Variants in PDE1C observed in about 807,000 individuals in gnomAD.
The protein encoded by PDE1C is dual specificity calcium/calmodulin-dependent 3',5'-cyclic nucleotide phosphodiesterase 1C.
Under a neutral mutation model 93.1 loss-of-function variants are expected in PDE1C, and 62 were observed. The observed-to-expected ratio is 0.67, with a 90% CI of 0.54 to 0.82. The LOEUF (loss-of-function observed/expected upper bound fraction) is 0.82, where lower values mean the gene tolerates loss of function less well. Among genes scored for constraint, PDE1C ranks in the 40% least tolerant of loss-of-function variants. The pLI, the probability that PDE1C is intolerant of heterozygous loss-of-function variation, is 0.00. For synonymous variants in PDE1C, 325 were observed against 310.1 expected (o/e 1.05, Z -0.50); for missense variants, 742 against 884.6 (o/e 0.84, Z 2.04).
At chr7:31,786,780 G>T (rs1043979601) in intron 16 of PDE1C, 6 of 152,128 alleles carry the variant, frequency 3.9e-5, no homozygotes, top group Non-Finnish European at 7.4e-5. Flanking sequence ...ATGAGAAAAA[G>T]ATTTCATGCT....
chr7:31,919,457 G>A (rs1249398180), intron 2 of PDE1C, among the ~76,000 whole-genome samples: 1 of 152,132 alleles, frequency 6.6e-6, no homozygotes, highest in Non-Finnish European at 1.5e-5. Context: ...AATACCCTCT[G>A]ACACATAGTA....
intron 3 of PDE1C, among the ~76,000 whole-genome samples, chr7:32,153,257 C>T (rs951468368): frequency 3.9e-5 from 6 of 152,102 alleles, no homozygotes; most frequent in African/African-American, 1.4e-4. Flanking sequence ...TCTAAAATGG[C>T]ATGGACATAT....
chr7:32,139,450 A>G (rs1221708828), intron 3 of PDE1C, among the ~76,000 whole-genome samples: 2 of 152,076 alleles, frequency 1.3e-5, no homozygotes, highest in Admixed American at 1.3e-4. Flanking sequence ...AAAGGGAGGA[A>G]GAAGTATCCA....
chr7:31,809,838 T>A (rs927286048), intron 15 of PDE1C, among the ~76,000 whole-genome samples: 9 of 152,222 alleles, frequency 5.9e-5, no homozygotes, highest in African/African-American at 2.2e-4. Flanking sequence ...TAAATTAGCA[T>A]ATAACTTCAC....
At chr7:31,679,382 TG>T in the PDE1C span, among the ~76,000 whole-genome samples, 1 of 152,234 alleles carries the variant, frequency 6.6e-6, no homozygotes, top group African/African-American at 2.4e-5. Flanking sequence ...GAATACATGC[TG>T]GGTTTAAAAT....
At chr7:32,328,733 G>T (rs767332427) in intron 1 of PDE1C, among the ~76,000 whole-genome samples, 1 of 152,014 alleles carries the variant, frequency 6.6e-6, no homozygotes, top group Non-Finnish European at 1.5e-5. Context: ...CTCCTAACTG[G>T]CCTCCATTAT....
chr7:32,186,087 GTTTTTTTT>G (rs10561469), intron 2 of PDE1C, among the ~76,000 whole-genome samples: 1,416 of 128,612 alleles, frequency 0.011, 18 homozygotes, highest in Non-Finnish European at 0.017. Context: ...TTGTTTTTTT[GTTTTTTTT>G]TTTTTTTTTT....
intron 2 of PDE1C, among the ~76,000 whole-genome samples, chr7:32,012,128 G>C (rs1278860368): frequency 6.6e-6 from 1 of 152,188 alleles, no homozygotes; most frequent in Non-Finnish European, 1.5e-5. Flanking sequence ...AGAAATACCT[G>C]AGGCTAGGTA....
chr7:31,758,208 A>G (rs1794597402), intron 17 of PDE1C, among the ~76,000 whole-genome samples: 1 of 152,164 alleles, frequency 6.6e-6, no homozygotes, highest in Non-Finnish European at 1.5e-5. Flanking sequence ...TGACGAGTTA[A>G]TGGGTGCAGC....
At chr7:32,387,698 T>C (rs1585137460) in intron 1 of PDE1C, among the ~76,000 whole-genome samples, 1 of 117,856 alleles carries the variant, frequency 8.5e-6, no homozygotes, top group African/African-American at 3.4e-5. Flanking sequence ...CCCACCTCCC[T>C]CCCGGACGGG....
chr7:32,014,708 G>A (rs1787655045), intron 2 of PDE1C, among the ~76,000 whole-genome samples: 1 of 152,128 alleles, frequency 6.6e-6, no homozygotes, highest in Non-Finnish European at 1.5e-5. Flanking sequence ...AGAACATGCA[G>A]TGTTTGGTTT....
At chr7:31,886,454 G>T (rs1300295613) in intron 2 of PDE1C, among the ~76,000 whole-genome samples, 1 of 152,088 alleles carries the variant, frequency 6.6e-6, no homozygotes, top group Non-Finnish European at 1.5e-5. Context: ...TTCAACATTG[G>T]GTGTCTTTTG....
intron 1 of PDE1C, among the ~76,000 whole-genome samples, chr7:32,359,203 C>T (rs1417058295): frequency 2.6e-5 from 4 of 152,010 alleles, no homozygotes; most frequent in Admixed American, 6.6e-5. Context: ...TTTCATCCTC[C>T]GACCACCTCC....
intron 2 of PDE1C, among the ~76,000 whole-genome samples, chr7:31,918,499 T>C (rs760466655): frequency 7.2e-5 from 11 of 152,182 alleles, no homozygotes; most frequent in Non-Finnish European, 1.6e-4. Context: ...GGAGGTGATC[T>C]GGAAATCTGC....
intron 3 of PDE1C, among the ~76,000 whole-genome samples, chr7:32,104,550 T>C (rs1409836064): frequency 1.3e-5 from 2 of 152,138 alleles, no homozygotes; most frequent in Non-Finnish European, 2.9e-5. Context: ...TTTCTCCTGA[T>C]TTGGATTTTC....
chr7:32,196,504 C>T (rs1312835329), intron 2 of PDE1C, among the ~76,000 whole-genome samples: 1 of 142,450 alleles, frequency 7.0e-6, no homozygotes, highest in Non-Finnish European at 1.5e-5. Context: ...GGTCCCAAGT[C>T]GTCTAGTCAC....
the PDE1C span, among the ~76,000 whole-genome samples, chr7:31,647,003 T>C: frequency 1.3e-5 from 2 of 152,122 alleles, no homozygotes; most frequent in Admixed American, 1.3e-4. Context: ...TAGAAAAAAA[T>C]ACACTCAAAG....
chr7:32,358,491 G>A (rs1489668701), intron 1 of PDE1C, among the ~76,000 whole-genome samples: 1 of 152,184 alleles, frequency 6.6e-6, no homozygotes, highest in Non-Finnish European at 1.5e-5. Context: ...TCGAATCAGA[G>A]CTCTATAAAG....
chr7:32,282,737 T>G (rs1811751335), intron 1 of PDE1C, among the ~76,000 whole-genome samples: 1 of 151,764 alleles, frequency 6.6e-6, no homozygotes, highest in African/African-American at 2.4e-5. Flanking sequence ...CCCGCCACCA[T>G]GCCCAGCTAA....
Sources: allele counts gnomAD v4.1 joint callset (sites outside exome capture counted in the v4.1 genomes callset), GRCh38; gene constraint gnomAD v4.1.1; transcripts MANE v1.5; gene names NCBI Gene and HGNC (gene_info 2026-07-23, HGNC 2026-07-21).